The following TXLNB variants were observed in gnomAD, a reference collection of about 807,000 sequenced individuals.
The protein encoded by TXLNB is beta-taxilin.
TXLNB carries 37 observed loss-of-function variants against 57.4 expected under a neutral mutation model. That is an observed-to-expected ratio of 0.64 (90% CI 0.50 to 0.85). The LOEUF (loss-of-function observed/expected upper bound fraction) is 0.85. TXLNB is among the 40% of genes least tolerant of loss of function. The pLI is 0.00. For synonymous variants in TXLNB, 302 were observed against 309.6 expected, an observed-to-expected ratio of 0.98 and a Z score of 0.26; for missense variants, 848 against 825.6, an observed-to-expected ratio of 1.03 and a Z score of -0.33.
At chr6:139,193,412 A>G in the TXLNB span, among the ~76,000 whole-genome samples, 1 of 152,062 alleles carries the variant, frequency 6.6e-6, no homozygotes, top group African/African-American at 2.4e-5. Flanking sequence ...TGGCTGAAAC[A>G]AACATCTATT....
At chr6:139,166,799 C>CGTTCCCCCGGTG in the TXLNB span, 2 of 1,613,674 alleles carry the variant, frequency 1.2e-6, no homozygotes, top group East Asian at 4.5e-5. Flanking sequence ...CTACGGTGCC[C>CGTTCCCCCGGTG]GTTCCCCCGG....
chr6:139,192,246 A>G, the TXLNB span, among the ~76,000 whole-genome samples: 2 of 152,220 alleles, frequency 1.3e-5, no homozygotes, highest in African/African-American at 2.4e-5. Flanking sequence ...CCAGCTGAGG[A>G]CTGTAAACTG....
chr6:139,289,231 A>AT (rs1217891076), intron 1 of TXLNB, among the ~76,000 whole-genome samples: 1 of 152,204 alleles, frequency 6.6e-6, no homozygotes, highest in African/African-American at 2.4e-5. Flanking sequence ...AGGTTATGTT[A>AT]TCTATAGATT....
the TXLNB span, among the ~76,000 whole-genome samples, chr6:139,232,315 C>T: frequency 6.6e-6 from 1 of 152,156 alleles, no homozygotes; most frequent in African/African-American, 2.4e-5. Context: ...GAAAAACTGC[C>T]CCCATGATTT....
chr6:139,244,537 A>C, intron 9 of TXLNB, 58 bp downstream of exon 9: 1 of 1,165,926 alleles, frequency 8.6e-7, no homozygotes, highest in East Asian at 2.3e-5. Flanking sequence ...ATTGTATCGT[A>C]AGTTTGAATG....
At chr6:139,200,476 A>G in the TXLNB span, among the ~76,000 whole-genome samples, 7,640 of 152,270 alleles carry the variant, frequency 0.05, 210 homozygotes, top group African/African-American at 0.063. Flanking sequence ...ACACCATGGA[A>G]GGATATTGAG....
chr6:139,229,322 T>TTTTATTTA, the TXLNB span, among the ~76,000 whole-genome samples: 1 of 150,926 alleles, frequency 6.6e-6, no homozygotes, highest in Admixed American at 6.6e-5. Context: ...CATTTTAAAA[T>TTTTATTTA]TTTATTTATT....
the TXLNB span, among the ~76,000 whole-genome samples, chr6:139,172,582 G>A: frequency 3.5e-4 from 54 of 152,190 alleles, no homozygotes; most frequent in African/African-American, 1.2e-3. Context: ...CTGAAGAATC[G>A]GCTTTTTGTT....
the TXLNB span, among the ~76,000 whole-genome samples, chr6:139,200,966 T>G: frequency 1.3e-5 from 2 of 152,084 alleles, no homozygotes; most frequent in African/African-American, 4.8e-5. Flanking sequence ...AGATCTACAG[T>G]CTCATGCTCT....
At chr6:139,319,064 C>T in the TXLNB span, among the ~76,000 whole-genome samples, 2 of 151,082 alleles carry the variant, frequency 1.3e-5, no homozygotes, top group African/African-American at 4.9e-5. Context: ...TGCCTCAGCC[C>T]TCCAAGTAGC....
chr6:139,305,977 G>A, the TXLNB span, among the ~76,000 whole-genome samples: 1 of 152,094 alleles, frequency 6.6e-6, no homozygotes, highest in African/African-American at 2.4e-5. Context: ...TGTAAAGTAG[G>A]AAACTAGAAG....
rs1024447876 is a variant in TXLNB at position 139,241,364 on chromosome 6, C to T, written c.*1162G>A. ...TTGAGATGAGGGCTGGGTGTAATTT[C>T]CTGCTACAAAGGAGAAATTGGGAAG... On this transcript the variant is annotated 3_prime_UTR_variant, in exon 10 of 10. Coordinates refer to ENST00000358430, the MANE Select transcript of TXLNB (RefSeq NM_153235.4). The T allele has an allele frequency of 6.6e-6, 1 of 152,128 alleles. No individual in the cohort carries two copies. The highest frequency in any genetic ancestry group is 1.5e-5 in the Non-Finnish European group (1 of 68,040). The allele number at this position is 152,128 out of a possible 1,614,324, so 9.4% of individuals were successfully genotyped here. A position where few individuals can be genotyped will look rare whatever the true frequency, so the allele number is the denominator to read the frequency against.
chr6:139,279,152 C>T (rs1394348511), intron 2 of TXLNB, among the ~76,000 whole-genome samples: 5 of 152,154 alleles, frequency 3.3e-5, no homozygotes, highest in South Asian at 2.1e-4. Flanking sequence ...GTGTGTGTAC[C>T]GACATGTGAA....
At chr6:139,188,587 T>A in the TXLNB span, among the ~76,000 whole-genome samples, 4 of 152,232 alleles carry the variant, frequency 2.6e-5, no homozygotes, top group Non-Finnish European at 5.9e-5. Flanking sequence ...ATTAAGAATT[T>A]TATTGAACTG....
the TXLNB span, among the ~76,000 whole-genome samples, chr6:139,298,040 T>TA: frequency 6.6e-6 from 1 of 152,242 alleles, no homozygotes; most frequent in Non-Finnish European, 1.5e-5. Context: ...AACAGCAAGT[T>TA]ACAATATTCA....
rs915180466 is a variant in TXLNB, at chr6:139,277,405, C to G, written c.425-484G>C. ...GAAGCAGAGAAGCTTGATGAAGTAG[C>G]CTGCCCGTTTTTTCCCCTGTGTTTT... On this transcript the variant is annotated intron_variant, in intron 2 of 9. Transcript: ENST00000358430. Among the ~76,000 whole-genome samples, 7 of 152,284 alleles carry G rather than the reference C, an allele frequency of 4.6e-5. No individual in the cohort carries two copies. In the East Asian group the frequency reaches 1.2e-3, roughly 25 times the overall value.
chr6:139,321,618 C>G, the TXLNB span, among the ~76,000 whole-genome samples: 1 of 149,434 alleles, frequency 6.7e-6, no homozygotes, highest in African/African-American at 2.5e-5. Flanking sequence ...ATGTCTCTAG[C>G]CCAGACTACT....
At chr6:139,192,968 C>CA in the TXLNB span, among the ~76,000 whole-genome samples, 4 of 144,294 alleles carry the variant, frequency 2.8e-5, no homozygotes, top group African/African-American at 1.0e-4. Flanking sequence ...GTCTCAAAAA[C>CA]AAAAAACAAA....
At chr6:139,233,954 T>C in the TXLNB span, among the ~76,000 whole-genome samples, 1 of 152,128 alleles carries the variant, frequency 6.6e-6, no homozygotes, top group Non-Finnish European at 1.5e-5. Flanking sequence ...AAAATGCTGA[T>C]AGTGATATGG....
Sources: allele counts gnomAD v4.1 joint callset (sites outside exome capture counted in the v4.1 genomes callset), GRCh38; gene constraint gnomAD v4.1.1; transcripts MANE v1.5; gene names NCBI Gene and HGNC (gene_info 2026-07-23, HGNC 2026-07-21).